PTK2: variants seen among roughly 807,000 people sequenced by gnomAD.
The protein encoded by PTK2 is focal adhesion kinase 1.
A neutral mutation model predicts 150.1 loss-of-function variants in PTK2; 45 were observed. The ratio of observed to expected loss-of-function variants is 0.30; its 90% CI spans 0.24 to 0.38. The LOEUF (loss-of-function observed/expected upper bound fraction) is 0.38. PTK2 is among the 10% of genes least tolerant of loss of function. The probability of loss-of-function intolerance (pLI) is 1.00; values close to 1 mark genes in which losing one functional copy is unlikely to be tolerated. For synonymous variants in PTK2, 432 were observed against 449.2 expected (o/e 0.96, Z 0.48); for missense variants, 919 against 1,307.3 (o/e 0.70, Z 4.58).
chr8:140,973,850 G>C (rs1196845398), intron 1 of PTK2, among the ~76,000 whole-genome samples: 3 of 152,150 alleles, frequency 2.0e-5, no homozygotes, highest in African/African-American at 7.2e-5. Context: ...ATCTTAACCA[G>C]TCTAGGTTTT....
At chr8:140,994,005 C>T (rs1340544612) in intron 1 of PTK2, among the ~76,000 whole-genome samples, 2 of 152,146 alleles carry the variant, frequency 1.3e-5, no homozygotes, top group Admixed American at 6.5e-5. Context: ...GGTGGAATTA[C>T]AGGTGTGAGT....
intron 14 of PTK2, among the ~76,000 whole-genome samples, chr8:140,780,574 G>GTAAT (rs1413961876): frequency 6.6e-6 from 1 of 152,208 alleles, no homozygotes; most frequent in Non-Finnish European, 1.5e-5. Flanking sequence ...CTTCAACAGA[G>GTAAT]TAATTGCAAC....
chr8:140,929,772 T>G (rs963334154), intron 1 of PTK2, among the ~76,000 whole-genome samples: 12 of 151,874 alleles, frequency 7.9e-5, no homozygotes, highest in African/African-American at 2.9e-4. Context: ...TTTTTTTAAC[T>G]TTCTCTCCAT....
chr8:140,795,923 G>A (rs973709964), intron 12 of PTK2, among the ~76,000 whole-genome samples: 1 of 152,212 alleles, frequency 6.6e-6, no homozygotes. Context: ...CTCAATTCAA[G>A]TTCTATTTCC....
rs548064955 is a variant in PTK2, at chr8:140,942,606, T to C, written c.-121-16857A>G. On this transcript the variant is annotated intron_variant, in intron 1 of 31. Transcript: ENST00000522684. ...ATGTTGATCCAGCTGGAAAGAAAAT[T>C]TGAGCTCTAATGAGTGCGTGCGTGT... 1.4e-4 allele frequency among the ~76,000 whole-genome samples: 21 copies of C among 149,656 alleles called. No homozygotes were observed. In the East Asian group the frequency reaches 3.3e-3, roughly 24 times the overall value.
In PTK2 at chr8:140,999,955, T is replaced by C. The variant is rs182170259; in HGVS notation, c.-122+1170A>G. 1.5e-3 allele frequency among the ~76,000 whole-genome samples: 222 copies of C among 151,570 alleles called. 2 individuals are homozygous for C. The highest frequency in any genetic ancestry group is 5.2e-3 in the African/African-American group (213 of 41,274). ...CAATATTACTATTATCTTAGTCTCA[T>C]TGCCAAAAACCCAGCTGCAGGCTAA... On this transcript the variant is annotated intron_variant, in intron 1 of 31. Transcript: ENST00000522684.
chr8:140,668,386 G>T, exon 30 of PTK2: 2 of 1,613,700 alleles, frequency 1.2e-6, no homozygotes, highest in Non-Finnish European at 1.7e-6. Context: ...ACCGGTCCAG[G>T]TTGGCAGTAG....
chr8:140,901,828 C>G (rs1312710340), intron 2 of PTK2, among the ~76,000 whole-genome samples: 1 of 151,950 alleles, frequency 6.6e-6, no homozygotes, highest in Non-Finnish European at 1.5e-5. Context: ...CTGCGACAGG[C>G]CCCGGTGTGT....
intron 14 of PTK2, among the ~76,000 whole-genome samples, chr8:140,767,565 A>G (rs1298457554): frequency 6.6e-6 from 1 of 152,070 alleles, no homozygotes; most frequent in Non-Finnish European, 1.5e-5. Flanking sequence ...GACTCACTGC[A>G]GCCTTCACCT....
intron 11 of PTK2, among the ~76,000 whole-genome samples, chr8:140,802,419 T>A (rs1052112885): frequency 7.2e-5 from 11 of 152,132 alleles, no homozygotes; most frequent in African/African-American, 2.4e-4. Flanking sequence ...TATTTAAAAT[T>A]AATTGTTATT....
chr8:140,872,535 C>A (rs1302980381), intron 4 of PTK2, among the ~76,000 whole-genome samples: 1 of 152,198 alleles, frequency 6.6e-6, no homozygotes, highest in Non-Finnish European at 1.5e-5. Context: ...CCCACCTGCC[C>A]CTGGACTGAC....
chr8:140,969,067 A>G (rs929821307), intron 1 of PTK2, among the ~76,000 whole-genome samples: 1 of 152,222 alleles, frequency 6.6e-6, no homozygotes, highest in Non-Finnish European at 1.5e-5. Context: ...AGCAACTAGA[A>G]AGCCTGAACA....
chr8:140,773,609 A>T (rs566979518), intron 14 of PTK2, among the ~76,000 whole-genome samples: 2 of 152,244 alleles, frequency 1.3e-5, no homozygotes, highest in South Asian at 2.1e-4. Flanking sequence ...GCTGAGGAGC[A>T]GCAGGGAGGT....
chr8:140,675,142 CT>C (rs1289843983), intron 28 of PTK2, among the ~76,000 whole-genome samples: 1 of 148,768 alleles, frequency 6.7e-6, no homozygotes, highest in Admixed American at 6.7e-5. Flanking sequence ...AGACACTAAT[CT>C]TGCATTCTAA....
At chr8:140,857,220 C>A (rs965755535) in intron 5 of PTK2, among the ~76,000 whole-genome samples, 4 of 152,064 alleles carry the variant, frequency 2.6e-5, no homozygotes, top group Non-Finnish European at 5.9e-5. Context: ...TTTTTTGCAA[C>A]CTGGATCTGA....
intron 29 of PTK2, chr8:140,672,222 T>A: frequency 2.3e-6 from 1 of 438,620 alleles, no homozygotes; most frequent in Non-Finnish European, 4.5e-6. Flanking sequence ...AGAGATGGGG[T>A]CTCACTATGT....
intron 3 of PTK2, among the ~76,000 whole-genome samples, chr8:140,885,262 A>T (rs561478998): frequency 1.3e-5 from 2 of 152,262 alleles, no homozygotes; most frequent in African/African-American, 4.8e-5. Context: ...AAGGCTTTCT[A>T]CTTCTGTGGT....
intron 3 of PTK2, among the ~76,000 whole-genome samples, chr8:140,890,132 A>G (rs1323056816): frequency 1.3e-5 from 2 of 152,200 alleles, no homozygotes; most frequent in East Asian, 3.8e-4. Flanking sequence ...GCATATGTTC[A>G]AGAGTTTTAA....
chr8:140,851,060 G>C (rs2100128997), intron 5 of PTK2, among the ~76,000 whole-genome samples: 1 of 152,150 alleles, frequency 6.6e-6, no homozygotes, highest in Non-Finnish European at 1.5e-5. Flanking sequence ...GCAGAGGGCA[G>C]ACAAAGAAAA....
Sources: gnomAD v4.1 joint callset for allele counts (sites outside exome capture counted in the v4.1 genomes callset) on GRCh38, gnomAD v4.1.1 for gene constraint, MANE v1.5 for transcripts, NCBI Gene and HGNC (gene_info 2026-07-23, HGNC 2026-07-21) for gene names.